The following CEMIP variants were observed in gnomAD, a reference collection of about 807,000 sequenced individuals.
The protein encoded by CEMIP is cell migration inducing hyaluronidase 1.
Under a neutral mutation model 156.9 loss-of-function variants are expected in CEMIP, and 105 were observed. The observed-to-expected ratio is 0.67, with a 90% CI of 0.57 to 0.79. The LOEUF is 0.79. CEMIP is among the 30% of genes least tolerant of loss of function. The pLI, the probability that CEMIP is intolerant of heterozygous loss-of-function variation, is 0.00. For synonymous variants in CEMIP, 676 were observed against 668.4 expected, an observed-to-expected ratio of 1.01 and a Z score of -0.17; for missense variants, 1,457 against 1,769.4, an observed-to-expected ratio of 0.82 and a Z score of 3.17.
chr15:80,878,798 A>G lies in CEMIP; in HGVS notation c.172A>G (p.Ile58Val). Residue 58 changes from isoleucine (I) to valine (V), a missense_variant, in exon 4 of 30, where the codon ATC becomes GTC. By Grantham distance (29) the Ile-to-Val change is conservative. Coordinates refer to ENST00000394685, the MANE Select transcript of CEMIP (RefSeq NM_001293298.2). Reference sequence around the variant, plus strand: ...CCATGACCAAGACCACCATGTGCATATCGGCCAGGGCAAGACACTGCTGCT... The same window carrying G: ...CCATGACCAAGACCACCATGTGCATGTCGGCCAGGGCAAGACACTGCTGCT... The part of the protein sequence containing the change: ...PGHDQDHHVH[I>V]GQGKTLLLTS... 5 of 1,614,162 alleles carry G rather than the reference A, an allele frequency of 3.1e-6. No homozygotes were observed. Among genetic ancestry groups the G allele is most frequent in the Non-Finnish European group, 4.2e-6 (5 of 1,180,028 alleles).
chr15:80,879,699 C>T lies in CEMIP; in HGVS notation c.242-17C>T. The stretch of plus-strand genomic sequence containing the variant: ...AACACTGTGTTATTAAACCTCCCCC[C>T]AATGCTACCTCTTCAGGCAAGCTGG... On this transcript the variant is annotated splice_polypyrimidine_tract_variant and intron_variant, in intron 4 of 29. Transcript: ENST00000394685. 6.2e-7 allele frequency: 1 copy of T among 1,614,146 alleles called. No individual in the cohort carries two copies. Among genetic ancestry groups the T allele is most frequent in the Non-Finnish European group, 8.5e-7 (1 of 1,180,004 alleles).
At chr15:80,839,623 AGG>A (rs2141701608) in intron 1 of CEMIP, among the ~76,000 whole-genome samples, 1 of 142,352 alleles carries the variant, frequency 7.0e-6, no homozygotes, top group African/African-American at 3.1e-5. Flanking sequence ...TGTGGCTAAC[AGG>A]GGCTGTGCTG....
chr15:80,897,049 T>A (rs1899256145), intron 12 of CEMIP, among the ~76,000 whole-genome samples: 1 of 152,170 alleles, frequency 6.6e-6, no homozygotes, highest in Admixed American at 6.5e-5. Flanking sequence ...GAACAGTCAT[T>A]GAAAGTTCTT....
intron 19 of CEMIP, among the ~76,000 whole-genome samples, chr15:80,928,656 T>C (rs896094281): frequency 6.6e-6 from 1 of 152,120 alleles, no homozygotes; most frequent in African/African-American, 2.4e-5. Flanking sequence ...TGCCGTTGAA[T>C]GTGGAGAGCC....
intron 1 of CEMIP, among the ~76,000 whole-genome samples, chr15:80,835,307 G>A (rs1346256018): frequency 1.3e-5 from 2 of 152,172 alleles, no homozygotes; most frequent in African/African-American, 4.8e-5. Flanking sequence ...ATGTCAGGAA[G>A]GGCTTCATGG....
intron 1 of CEMIP, chr15:80,842,148 C>A: frequency 1.4e-5 from 7 of 501,836 alleles, no homozygotes; most frequent in South Asian, 1.1e-4. Flanking sequence ...CGTTGGGTAC[C>A]ATTTGTACGT....
chr15:80,935,025 C>T (rs565980335), intron 23 of CEMIP, among the ~76,000 whole-genome samples: 7 of 152,238 alleles, frequency 4.6e-5, no homozygotes, highest in African/African-American at 1.2e-4. Flanking sequence ...AGACTGGAGG[C>T]GGTGCATTTG....
intron 3 of CEMIP, among the ~76,000 whole-genome samples, chr15:80,874,858 A>C (rs1216306318): frequency 2.6e-5 from 4 of 152,136 alleles, no homozygotes; most frequent in Admixed American, 6.6e-5. Context: ...TTTTATGTCC[A>C]TTGAGTTTGA....
intron 1 of CEMIP, among the ~76,000 whole-genome samples, chr15:80,822,085 G>A (rs1896922485): frequency 6.6e-6 from 1 of 152,190 alleles, no homozygotes; most frequent in Non-Finnish European, 1.5e-5. Flanking sequence ...AGTGTTACCT[G>A]GGATCTGACA....
chr15:80,862,333 T>C (rs1230705786), intron 1 of CEMIP, among the ~76,000 whole-genome samples: 1 of 152,170 alleles, frequency 6.6e-6, no homozygotes, highest in Non-Finnish European at 1.5e-5. Flanking sequence ...GATGCTCAAA[T>C]TCAGGAAAGG....
intron 1 of CEMIP, among the ~76,000 whole-genome samples, chr15:80,871,565 G>A (rs1412434835): frequency 6.6e-6 from 1 of 152,122 alleles, no homozygotes; most frequent in Non-Finnish European, 1.5e-5. Context: ...AACAAGTTAG[G>A]GCAGGAGGGA....
chr15:80,859,891 G>C (rs1897942928), intron 1 of CEMIP, among the ~76,000 whole-genome samples: 1 of 152,148 alleles, frequency 6.6e-6, no homozygotes, highest in East Asian at 1.9e-4. Context: ...AGGGTGTCTG[G>C]CAGGGGTGCA....
chr15:80,811,356 T>C (rs1425784496), intron 1 of CEMIP, among the ~76,000 whole-genome samples: 1 of 152,110 alleles, frequency 6.6e-6, no homozygotes, highest in Non-Finnish European at 1.5e-5. Context: ...GAGGGTGACA[T>C]TTTTCCAGTG....
intron 1 of CEMIP, among the ~76,000 whole-genome samples, chr15:80,865,329 G>A (rs901798855): frequency 2.9e-4 from 44 of 152,024 alleles, no homozygotes; most frequent in African/African-American, 9.4e-4. Flanking sequence ...CTACGGGCTC[G>A]CGCCACCACG....
chr15:80,938,226 GAA>G, intron 25 of CEMIP: 2 of 397,908 alleles, frequency 5.0e-6, no homozygotes, highest in Non-Finnish European at 9.2e-6. Context: ...ACATATTTCA[GAA>G]AAAAAAAAGT....
intron 1 of CEMIP, among the ~76,000 whole-genome samples, chr15:80,864,811 C>T (rs560991089): frequency 7.9e-4 from 120 of 152,322 alleles, no homozygotes; most frequent in African/African-American, 2.7e-3. Flanking sequence ...AGTTCTCAAA[C>T]GTAAGCGCTT....
At chr15:80,821,025 T>G (rs527969760) in intron 1 of CEMIP, among the ~76,000 whole-genome samples, 1 of 152,220 alleles carries the variant, frequency 6.6e-6, no homozygotes, top group Non-Finnish European at 1.5e-5. Flanking sequence ...ATCATAAAGA[T>G]GTGAAACCTT....
rs1481984269 is a variant in CEMIP, at chr15:80,933,319, T to C, written c.2868T>C (p.Ser956=). The change falls in exon 23 of 30, where the codon TCT becomes TCC. Residue 956 remains serine (S), a synonymous_variant. Transcript: ENST00000394685. ...NQLDMDGDKT[S]VFHDVDGSVS... is the part of the protein sequence containing the mutation. ...TGGACATGGATGGGGATAAGACATC[T>C]GTGTTCCATGACGTCGACGGCTCCG... The C allele has an allele frequency of 6.2e-7, 1 of 1,614,164 alleles. No individual in the cohort carries two copies. Among genetic ancestry groups the C allele is most frequent in the Non-Finnish European group, 8.5e-7 (1 of 1,180,024 alleles).
intron 25 of CEMIP, among the ~76,000 whole-genome samples, chr15:80,938,381 T>C (rs1901217265): frequency 6.6e-6 from 1 of 151,968 alleles, no homozygotes; most frequent in Admixed American, 6.6e-5. Flanking sequence ...CCGAGGTGGG[T>C]GGATCACAAG....
Sources: gnomAD v4.1 joint callset for allele counts (sites outside exome capture counted in the v4.1 genomes callset) on GRCh38, gnomAD v4.1.1 for gene constraint, MANE v1.5 for transcripts, NCBI Gene and HGNC (gene_info 2026-07-23, HGNC 2026-07-21) for gene names.